Variants in ZDHHC7 observed in about 807,000 individuals in gnomAD.
ZDHHC7 encodes palmitoyltransferase ZDHHC7.
ZDHHC7 carries 12 observed loss-of-function variants against 34.1 expected under a neutral mutation model. The ratio of observed to expected loss-of-function variants is 0.35; its 90% CI spans 0.23 to 0.57. ZDHHC7 has a LOEUF of 0.57. Among genes scored for constraint, ZDHHC7 ranks in the 20% least tolerant of loss-of-function variants. The pLI, the probability that ZDHHC7 is intolerant of heterozygous loss-of-function variation, is 0.84. For missense variants in ZDHHC7, 388 were observed against 402.7 expected (o/e 0.96, Z 0.31); for synonymous variants, 185 against 155.4 (o/e 1.19, Z -1.42).
the ZDHHC7 span, among the ~76,000 whole-genome samples, chr16:85,024,151 C>G: frequency 6.7e-6 from 1 of 149,916 alleles, no homozygotes; most frequent in Non-Finnish European, 1.5e-5. Flanking sequence ...CTCCTGACCT[C>G]AGATGATCCA....
intron 3 of ZDHHC7, among the ~76,000 whole-genome samples, chr16:84,986,836 T>C (rs1009231705): frequency 5.9e-5 from 9 of 152,162 alleles, no homozygotes; most frequent in African/African-American, 2.2e-4. Context: ...AACTGTTCAG[T>C]TCAGAGGTGA....
At chr16:84,987,452 T>G (rs59153684) in intron 3 of ZDHHC7, among the ~76,000 whole-genome samples, 13,786 of 152,114 alleles carry the variant, frequency 0.091, 683 homozygotes, top group African/African-American at 0.1. Flanking sequence ...GGGTTTGTTT[T>G]TTTTTTTTCA....
intron 1 of ZDHHC7, among the ~76,000 whole-genome samples, chr16:84,999,776 G>C (rs1365005954): frequency 6.6e-6 from 1 of 152,142 alleles, no homozygotes; most frequent in Non-Finnish European, 1.5e-5. Flanking sequence ...TGAGAGGGAA[G>C]TGGGTGACAC....
chr16:84,976,209 T>C lies in ZDHHC7; in HGVS notation c.*134A>G, dbSNP rs1373220986. On this transcript the variant is annotated 3_prime_UTR_variant, in exon 8 of 8. Coordinates refer to ENST00000313732, the MANE Select transcript of ZDHHC7 (RefSeq NM_017740.3). ...ATCTGTGACTATAAATATATAAAAC[T>C]CTGCTTGCTGCAAGCAATTGGTTTG... The C allele has an allele frequency of 2.7e-6, 3 of 1,125,894 alleles. No homozygotes were observed. The African/African-American group carries it at 4.7e-5, about 18-fold the overall frequency. The allele number at this position is 1,125,894 out of a possible 1,614,324, so 69.7% of individuals were successfully genotyped here.
chr16:85,004,687 C>A (rs1179699905), intron 1 of ZDHHC7, among the ~76,000 whole-genome samples: 1 of 152,100 alleles, frequency 6.6e-6, no homozygotes, highest in East Asian at 1.9e-4. Context: ...CCCGGGTTCA[C>A]CACGCACTCC....
At chr16:84,997,718 C>A (rs1383090369) in intron 1 of ZDHHC7, among the ~76,000 whole-genome samples, 23 of 147,838 alleles carry the variant, frequency 1.6e-4, no homozygotes, top group Admixed American at 1.5e-3. Flanking sequence ...AACAGTGAAA[C>A]CCCGTCTCTA....
chr16:85,024,457 T>G, the ZDHHC7 span, among the ~76,000 whole-genome samples: 1 of 152,178 alleles, frequency 6.6e-6, no homozygotes, highest in Non-Finnish European at 1.5e-5. Context: ...GGTCTTGAAC[T>G]CCTGACCTTG....
At chr16:85,018,548 A>G in the ZDHHC7 span, among the ~76,000 whole-genome samples, 1 of 152,138 alleles carries the variant, frequency 6.6e-6, no homozygotes, top group Admixed American at 6.5e-5. Flanking sequence ...CCCAGGTTTA[A>G]GCAATTCTCC....
rs760300429 is a variant in ZDHHC7 at position 84,976,398 on chromosome 16, C to T, written c.872G>A (p.Arg291Gln). 12 of 1,614,014 alleles carry T rather than the reference C, an allele frequency of 7.4e-6. No homozygotes were observed. The African/African-American group carries it at 9.3e-5, about 13-fold the overall frequency. Residue 291 changes from arginine to glutamine, a missense_variant, in exon 8 of 8, where the codon CGA (arginine) becomes CAA (glutamine). Transcript: ENST00000313732. ...GGGTCTCGTGGGCAGTCGCCTAAATCGGAAGCCCACAAAGGGATTCATCCA... is the reference window on the plus strand; with the variant it reads ...GGGTCTCGTGGGCAGTCGCCTAAATTGGAAGCCCACAAAGGGATTCATCCA... ...LLWMNPFVGF[R>Q]FRRLPTRPRK...
chr16:85,024,958 C>T, the ZDHHC7 span, among the ~76,000 whole-genome samples: 1 of 152,208 alleles, frequency 6.6e-6, no homozygotes, highest in Non-Finnish European at 1.5e-5. Context: ...AAGCCTAGAG[C>T]TCTTGGAGGA....
At chr16:85,012,812 G>A (rs961251950), upstream of ZDHHC7, among the ~76,000 whole-genome samples, 5 of 152,134 alleles carry the variant, frequency 3.3e-5, no homozygotes, top group African/African-American at 9.7e-5. Flanking sequence ...GGCTGAGGCA[G>A]GAGAAACCGC....
chr16:85,003,829 G>A (rs2072682493), intron 1 of ZDHHC7, among the ~76,000 whole-genome samples: 2 of 152,056 alleles, frequency 1.3e-5, no homozygotes, highest in South Asian at 4.1e-4. Flanking sequence ...AAGTGGGAGA[G>A]GGAACACCAG....
chr16:84,991,581 C>T (rs7194622), intron 2 of ZDHHC7, among the ~76,000 whole-genome samples: 2 of 152,228 alleles, frequency 1.3e-5, no homozygotes, highest in South Asian at 4.1e-4. Context: ...AGCCACTGCA[C>T]CCGGCCTCTA....
At chr16:85,014,209 C>G (rs940343353), upstream of ZDHHC7, among the ~76,000 whole-genome samples, 6 of 152,166 alleles carry the variant, frequency 3.9e-5, no homozygotes, top group Non-Finnish European at 8.8e-5. Context: ...AGAGTTTATT[C>G]AAGCTCAAAG....
At chr16:85,027,515 G>A in the ZDHHC7 span, among the ~76,000 whole-genome samples, 1 of 152,176 alleles carries the variant, frequency 6.6e-6, no homozygotes, top group African/African-American at 2.4e-5. Flanking sequence ...CACCGGGCCT[G>A]CCCCACCCAC....
chr16:85,009,724 T>TG (rs1192939061), intron 1 of ZDHHC7, among the ~76,000 whole-genome samples: 1 of 148,444 alleles, frequency 6.7e-6, no homozygotes, highest in Non-Finnish European at 1.5e-5. Flanking sequence ...TTTTTTTTTT[T>TG]TTGAGACGGA....
rs561214439 is a variant in ZDHHC7 at position 84,988,469 on chromosome 16, A to AT, written c.315+1834dup. On this transcript the variant is annotated intron_variant, in intron 3 of 7. Transcript: ENST00000313732. Reference sequence around the variant, plus strand: ...TCCAACTTCTCCCTCAGTATGTTCCATTCAACATTCTCTGCAGTAATACAA... The same window carrying AT: ...TCCAACTTCTCCCTCAGTATGTTCCATTTCAACATTCTCTGCAGTAATACAA... Among the ~76,000 whole-genome samples, 86 of 152,290 alleles carry AT rather than the reference A, an allele frequency of 5.6e-4. 1 individual carries two copies. The highest frequency in any genetic ancestry group is 5.6e-3 in the Admixed American group (86 of 15,300).
intron 1 of ZDHHC7, among the ~76,000 whole-genome samples, chr16:85,008,852 C>G (rs1426541213): frequency 6.6e-6 from 1 of 151,604 alleles, no homozygotes; most frequent in East Asian, 1.9e-4. Flanking sequence ...TGGAGACCAG[C>G]CTGACCAACA....
chr16:85,010,353 G>C (rs947932724), intron 1 of ZDHHC7, among the ~76,000 whole-genome samples: 1 of 152,100 alleles, frequency 6.6e-6, no homozygotes, highest in Non-Finnish European at 1.5e-5. Context: ...ACTAAAAGGT[G>C]ATTTCAGGTA....
Sources: allele counts gnomAD v4.1 joint callset (sites outside exome capture counted in the v4.1 genomes callset), GRCh38; gene constraint gnomAD v4.1.1; transcripts MANE v1.5; gene names NCBI Gene and HGNC (gene_info 2026-07-23, HGNC 2026-07-21).